RNLS: variants seen among roughly 807,000 people sequenced by gnomAD.
The protein encoded by RNLS is renalase, FAD dependent amine oxidase, also known as renalase.
Under a neutral mutation model 39.8 loss-of-function variants are expected in RNLS, and 39 were observed. The ratio of observed to expected loss-of-function variants is 0.98; its 90% CI spans 0.76 to 1.28. The LOEUF is 1.28. Among genes scored for constraint, RNLS ranks in the 50% most tolerant of loss-of-function variants. RNLS has a pLI of 0.00. For synonymous variants in RNLS, 147 were observed against 150.7 expected (o/e 0.98, Z 0.18); for missense variants, 410 against 413.3 (o/e 0.99, Z 0.07).
intron 6 of RNLS, among the ~76,000 whole-genome samples, chr10:88,287,121 A>T (rs114489728): frequency 2.0e-5 from 3 of 152,200 alleles, no homozygotes; most frequent in Middle Eastern, 3.4e-3. Context: ...AAGCAGAAAA[A>T]GTTTGCCATA....
At chr10:88,351,709 A>G (rs1848724147) in intron 5 of RNLS, among the ~76,000 whole-genome samples, 1 of 152,058 alleles carries the variant, frequency 6.6e-6, no homozygotes, top group Non-Finnish European at 1.5e-5. Flanking sequence ...TTCCATATGA[A>G]CTTTAAAGTA....
At chr10:88,398,322 G>A (rs1852694248) in intron 4 of RNLS, among the ~76,000 whole-genome samples, 1 of 152,004 alleles carries the variant, frequency 6.6e-6, no homozygotes, top group Non-Finnish European at 1.5e-5. Flanking sequence ...TAATTTTAGT[G>A]GGCTTTGGAG....
At chr10:88,519,741 T>TATGATATATATCACATATAG (rs1564867506) in intron 4 of RNLS, among the ~76,000 whole-genome samples, 3 of 149,078 alleles carry the variant, frequency 2.0e-5, no homozygotes, top group African/African-American at 5.0e-5. Context: ...ATCACATATA[T>TATGATATATATCACATATAG]ATGATATATA....
At chr10:88,557,904 A>G (rs1800590643) in intron 4 of RNLS, among the ~76,000 whole-genome samples, 1 of 152,100 alleles carries the variant, frequency 6.6e-6, no homozygotes, top group Non-Finnish European at 1.5e-5. Context: ...TCTCATCCCC[A>G]TCTCTAGTAT....
intron 4 of RNLS, among the ~76,000 whole-genome samples, chr10:88,429,073 A>T (rs1450889457): frequency 6.6e-6 from 1 of 151,778 alleles, no homozygotes; most frequent in Non-Finnish European, 1.5e-5. Context: ...AAGAAGCTTT[A>T]AAAAAAATCA....
At chr10:88,178,605 A>C in the RNLS span, among the ~76,000 whole-genome samples, 2 of 152,188 alleles carry the variant, frequency 1.3e-5, no homozygotes, top group East Asian at 3.8e-4. Flanking sequence ...TGCCATCATG[A>C]ATTTCCATGC....
chr10:88,509,906 T>C (rs1164200891), intron 4 of RNLS, among the ~76,000 whole-genome samples: 2 of 152,160 alleles, frequency 1.3e-5, no homozygotes, highest in East Asian at 3.8e-4. Context: ...CCTGGAACAA[T>C]ATAGGACTGT....
intron 4 of RNLS, among the ~76,000 whole-genome samples, chr10:88,571,436 C>G (rs1335548295): frequency 6.6e-6 from 1 of 152,138 alleles, no homozygotes; most frequent in Admixed American, 6.5e-5. Context: ...ACAGTATGTA[C>G]AGCTTTTCAT....
intron 4 of RNLS, among the ~76,000 whole-genome samples, chr10:88,366,324 CTACTGGTGAAGA>C (rs1211768318): frequency 6.6e-6 from 1 of 151,914 alleles, no homozygotes. Context: ...CTCATTCTGG[CTACTGGTGAAGA>C]TACAGGGGTG....
intron 5 of RNLS, among the ~76,000 whole-genome samples, chr10:88,332,023 G>A (rs1250382634): frequency 6.6e-6 from 1 of 152,156 alleles, no homozygotes; most frequent in East Asian, 1.9e-4. Flanking sequence ...CAAGCCAAAG[G>A]AGCACAAAGT....
At chr10:88,517,677 T>C (rs1291772092) in intron 4 of RNLS, among the ~76,000 whole-genome samples, 1 of 151,898 alleles carries the variant, frequency 6.6e-6, no homozygotes, top group African/African-American at 2.4e-5. Flanking sequence ...TACTATTCAG[T>C]TAAAGAAATT....
At chr10:88,257,229 C>T in the RNLS span, among the ~76,000 whole-genome samples, 8 of 152,134 alleles carry the variant, frequency 5.3e-5, no homozygotes, top group Non-Finnish European at 7.4e-5. Flanking sequence ...ATGCAAATCA[C>T]ATTACGATGT....
At chr10:88,247,486 A>G in the RNLS span, among the ~76,000 whole-genome samples, 1 of 152,214 alleles carries the variant, frequency 6.6e-6, no homozygotes, top group East Asian at 1.9e-4. Context: ...TCTGCCATTT[A>G]CTGTGTGACC....
intron 4 of RNLS, among the ~76,000 whole-genome samples, chr10:88,426,944 T>A (rs888491931): frequency 6.6e-6 from 1 of 152,066 alleles, no homozygotes; most frequent in African/African-American, 2.4e-5. Context: ...AGAGCCTACA[T>A]TATTTTACTT....
In RNLS at chr10:88,415,378, G is replaced by A. The variant is rs12412766; in HGVS notation, c.527-52653C>T. On this transcript the variant is annotated intron_variant, in intron 4 of 6. Transcript: ENST00000331772. ...GAGGTTGTGTTTACTTCAAAAGACA[G>A]ATTATTAATTTTGACTGAATTGGCT... Among the ~76,000 whole-genome samples the A allele has an allele frequency of 4.7e-3, 717 of 152,250 alleles. 18 individuals are homozygous for A. The highest frequency in any genetic ancestry group is 0.032 in the Admixed American group (484 of 15,284).
At chr10:88,419,918 G>T (rs1854292181) in intron 4 of RNLS, among the ~76,000 whole-genome samples, 1 of 152,020 alleles carries the variant, frequency 6.6e-6, no homozygotes, top group Non-Finnish European at 1.5e-5. Flanking sequence ...GCTGAGGCAG[G>T]TGAATCGCTT....
At chr10:88,541,731 G>A (rs1224660704) in intron 4 of RNLS, among the ~76,000 whole-genome samples, 1 of 152,152 alleles carries the variant, frequency 6.6e-6, no homozygotes, top group Admixed American at 6.6e-5. Context: ...ATGTATTCTT[G>A]TCTGGGTCTG....
At chr10:88,489,303 A>T (rs1032193448) in intron 4 of RNLS, among the ~76,000 whole-genome samples, 9 of 152,138 alleles carry the variant, frequency 5.9e-5, no homozygotes, top group Non-Finnish European at 1.2e-4. Flanking sequence ...TCTCACTCCC[A>T]TTGCTTCTGA....
rs113792064 is a variant in RNLS, at chr10:88,428,455, G to A, written c.527-65730C>T. The stretch of plus-strand genomic sequence containing the variant: ...TACTTAGGCTTTAAATGGCTTAACT[G>A]TGTCTAAGAGCACAACCGAAGACTA... On this transcript the variant is annotated intron_variant, in intron 4 of 6. Coordinates refer to ENST00000331772, the MANE Select transcript of RNLS (RefSeq NM_001031709.3). Among the ~76,000 whole-genome samples, 20 of 152,104 alleles carry A rather than the reference G, an allele frequency of 1.3e-4. 1 individual carries two copies. Among genetic ancestry groups the A allele is most frequent in the African/African-American group, 4.3e-4 (18 of 41,542 alleles).
Sources: allele counts gnomAD v4.1 joint callset (sites outside exome capture counted in the v4.1 genomes callset), GRCh38; gene constraint gnomAD v4.1.1; transcripts MANE v1.5; gene names NCBI Gene and HGNC (gene_info 2026-07-23, HGNC 2026-07-21).